EXT1: variants seen among roughly 807,000 people sequenced by gnomAD.
EXT1 encodes exostosin glycosyltransferase 1.
EXT1 carries 20 observed loss-of-function variants against 82.5 expected under a neutral mutation model. The ratio of observed to expected loss-of-function variants is 0.24; its 90% CI spans 0.17 to 0.35. EXT1 has a LOEUF of 0.35. Among genes scored for constraint, EXT1 ranks in the 10% least tolerant of loss-of-function variants. The probability of loss-of-function intolerance (pLI) is 1.00; values close to 1 mark genes in which losing one functional copy is unlikely to be tolerated. For missense variants in EXT1, 757 were observed against 936.5 expected (o/e 0.81, Z 2.50); for synonymous variants, 348 against 350.8 (o/e 0.99, Z 0.09).
rs764741916 is a variant in EXT1 at position 118,110,538 on chromosome 8, T to C, written c.509A>G (p.Tyr170Cys). Residue 170 changes from tyrosine to cysteine, a missense_variant, in exon 1 of 11, where the codon TAT (tyrosine) becomes TGT (cysteine). Physicochemically the swap from Tyr to Cys is radical, Grantham distance 194 (BLOSUM62 -2). Coordinates refer to ENST00000378204, the MANE Select transcript of EXT1 (RefSeq NM_000127.3). Reference sequence around the variant, plus strand: ...CACTTTGGATCTCAAATTGTGCACATACTGAGGTGACAACTGGTCTCTGTC... The same window carrying C: ...CACTTTGGATCTCAAATTGTGCACACACTGAGGTGACAACTGGTCTCTGTC... ...TLDRDQLSPQYVHNLRSKVQS... is the reference protein window; with the variant it reads ...TLDRDQLSPQCVHNLRSKVQS... The C allele has an allele frequency of 3.1e-6, 5 of 1,614,020 alleles. No individual in the cohort carries two copies. Among genetic ancestry groups the C allele is most frequent in the African/African-American group, 2.7e-5 (2 of 75,026 alleles).
At chr8:118,051,970 G>T (rs150906849) in intron 1 of EXT1, among the ~76,000 whole-genome samples, 1 of 152,132 alleles carries the variant, frequency 6.6e-6, no homozygotes, top group Non-Finnish European at 1.5e-5. Context: ...AGTAAAAGTC[G>T]GCAAGGGTGT....
intron 1 of EXT1, among the ~76,000 whole-genome samples, chr8:118,027,462 C>T (rs993682823): frequency 6.6e-6 from 1 of 152,202 alleles, no homozygotes. Flanking sequence ...GGGCATTCCC[C>T]TAAATGGCAG....
intron 1 of EXT1, among the ~76,000 whole-genome samples, chr8:117,934,661 G>A (rs1005894163): frequency 6.6e-6 from 1 of 152,228 alleles, no homozygotes. Flanking sequence ...AATGCAGCCA[G>A]TTCACAGGAA....
At chr8:117,939,600 G>GA (rs1386980641) in intron 1 of EXT1, among the ~76,000 whole-genome samples, 2 of 146,798 alleles carry the variant, frequency 1.4e-5, no homozygotes, top group Admixed American at 6.8e-5. Context: ...AAAGAAAAAA[G>GA]AATAATAGTG....
chr8:117,913,278 C>T (rs1813686581), intron 1 of EXT1, among the ~76,000 whole-genome samples: 1 of 152,154 alleles, frequency 6.6e-6, no homozygotes, highest in Middle Eastern at 3.4e-3. Context: ...GTTCTGGTTC[C>T]CCTAGCTTCC....
chr8:117,970,650 C>T (rs1052182043), intron 1 of EXT1, among the ~76,000 whole-genome samples: 1 of 152,176 alleles, frequency 6.6e-6, no homozygotes, highest in Admixed American at 6.5e-5. Flanking sequence ...TTCCAAGGTA[C>T]TTGGTCCATG....
At chr8:117,882,400 A>G (rs534992026) in intron 1 of EXT1, among the ~76,000 whole-genome samples, 1 of 152,264 alleles carries the variant, frequency 6.6e-6, no homozygotes, top group African/African-American at 2.4e-5. Context: ...TTAACTTTGA[A>G]TGGCAAGTGG....
intron 1 of EXT1, among the ~76,000 whole-genome samples, chr8:118,073,702 G>GAGAAGAGAAGAGAAGAGAAT (rs769912926): frequency 8.7e-6 from 1 of 115,412 alleles, no homozygotes; most frequent in East Asian, 2.5e-4. Flanking sequence ...GAGAAGAGAA[G>GAGAAGAGAAGAGAAGAGAAT]AGAAGCCTCT....
rs538349315 is a variant in EXT1, at chr8:118,047,077, AGCAG to A, written c.962+63004_962+63007del. ...TCATTTTACTCCAAAAATGGGGTAA[AGCAG>A]TGGTTCTCAGTCTGGCTGTGCATTA... On this transcript the variant is annotated intron_variant, in intron 1 of 10. Transcript: ENST00000378204. Among the ~76,000 whole-genome samples the A allele has an allele frequency of 1.8e-3, 278 of 152,332 alleles. 2 individuals carry two copies. Among genetic ancestry groups the A allele is most frequent in the African/African-American group, 6.5e-3 (271 of 41,578 alleles).
chr8:118,000,099 T>C (rs1815630609), intron 1 of EXT1, among the ~76,000 whole-genome samples: 1 of 152,176 alleles, frequency 6.6e-6, no homozygotes, highest in African/African-American at 2.4e-5. Context: ...CCATGCGAGG[T>C]AAACTGTTGC....
intron 1 of EXT1, among the ~76,000 whole-genome samples, chr8:118,063,248 T>A (rs987698192): frequency 3.3e-5 from 5 of 152,222 alleles, no homozygotes; most frequent in South Asian, 2.1e-4. Context: ...GAAGTGCATA[T>A]CTGCTTAGTA....
intron 1 of EXT1, among the ~76,000 whole-genome samples, chr8:118,084,746 A>G (rs1817388629): frequency 6.6e-6 from 1 of 151,802 alleles, no homozygotes; most frequent in South Asian, 2.1e-4. Context: ...TTCAAATCCT[A>G]CTCCGCCCCT....
chr8:117,878,868 C>T (rs937435265), intron 1 of EXT1, among the ~76,000 whole-genome samples: 8 of 152,192 alleles, frequency 5.3e-5, no homozygotes, highest in Non-Finnish European at 1.2e-4. Flanking sequence ...ACTTCAATGG[C>T]TTTCAACAAC....
chr8:117,998,630 A>C (rs973800074), intron 1 of EXT1, among the ~76,000 whole-genome samples: 4 of 152,202 alleles, frequency 2.6e-5, no homozygotes, highest in Admixed American at 6.5e-5. Flanking sequence ...CTCTTTTGGT[A>C]GATTCATGCC....
chr8:118,083,547 T>C (rs948191529), intron 1 of EXT1, among the ~76,000 whole-genome samples: 6 of 152,134 alleles, frequency 3.9e-5, no homozygotes, highest in Admixed American at 3.3e-4. Context: ...TCTCTGCCTA[T>C]GCCCTAGGTG....
chr8:118,016,625 C>G (rs1347269708), intron 1 of EXT1, among the ~76,000 whole-genome samples: 1 of 152,158 alleles, frequency 6.6e-6, no homozygotes. Context: ...GACTTTGTCC[C>G]GGCTGCAGTA....
At chr8:118,101,629 G>C (rs1817719846) in intron 1 of EXT1, among the ~76,000 whole-genome samples, 2 of 152,226 alleles carry the variant, frequency 1.3e-5, no homozygotes, top group Admixed American at 6.5e-5. Context: ...GTGAAGTCTA[G>C]GGATGTCTGC....
At chr8:118,046,222 T>A (rs1171895249) in intron 1 of EXT1, among the ~76,000 whole-genome samples, 1 of 152,050 alleles carries the variant, frequency 6.6e-6, no homozygotes, top group Non-Finnish European at 1.5e-5. Context: ...CTGTGGCTCC[T>A]CCCTGGTTAC....
At chr8:117,935,839 G>A (rs928598152) in intron 1 of EXT1, among the ~76,000 whole-genome samples, 1 of 152,008 alleles carries the variant, frequency 6.6e-6, no homozygotes, top group Non-Finnish European at 1.5e-5. Context: ...CAATATACTG[G>A]AATATAAACA....
Sources: gnomAD v4.1 joint callset for allele counts (sites outside exome capture counted in the v4.1 genomes callset) on GRCh38, gnomAD v4.1.1 for gene constraint, MANE v1.5 for transcripts, NCBI Gene and HGNC (gene_info 2026-07-23, HGNC 2026-07-21) for gene names.